Variants in DCAF6 observed in about 807,000 individuals in gnomAD.
The protein encoded by DCAF6 is DDB1- and CUL4-associated factor 6.
A neutral mutation model predicts 125.1 loss-of-function variants in DCAF6; 54 were observed. The ratio of observed to expected loss-of-function variants is 0.43; its 90% CI spans 0.35 to 0.54. The LOEUF is 0.54. Ranked by LOEUF, DCAF6 falls within the 20% of genes least tolerant of loss-of-function variation. The pLI is 0.01. For synonymous variants in DCAF6, 371 were observed against 390.4 expected, an observed-to-expected ratio of 0.95 and a Z score of 0.58; for missense variants, 934 against 1,161.7, an observed-to-expected ratio of 0.80 and a Z score of 2.85.
chr1:167,937,799 T>C (rs1347997878), intron 1 of DCAF6, among the ~76,000 whole-genome samples: 2 of 152,206 alleles, frequency 1.3e-5, no homozygotes, highest in Non-Finnish European at 2.9e-5. Flanking sequence ...AAGTTTGGTT[T>C]CTTAAAAATG....
chr1:167,950,113 C>G (rs1673695825), intron 1 of DCAF6, among the ~76,000 whole-genome samples: 1 of 152,184 alleles, frequency 6.6e-6, no homozygotes, highest in African/African-American at 2.4e-5. Flanking sequence ...GTTCTGCCAC[C>G]ATTTTCTCCA....
intron 12 of DCAF6, among the ~76,000 whole-genome samples, chr1:168,032,285 C>A (rs1041388340): frequency 7.2e-5 from 11 of 152,176 alleles, no homozygotes; most frequent in African/African-American, 2.7e-4. Flanking sequence ...AAATGTGTTG[C>A]CTCACAGTTA....
In DCAF6 at chr1:167,987,475, A is replaced by C. The variant is rs1214957683; in HGVS notation, c.439-20A>C. The C allele has an allele frequency of 8.7e-7, 1 of 1,152,756 alleles. No homozygotes were observed. Among genetic ancestry groups the C allele is most frequent in the South Asian group, 1.3e-5 (1 of 78,486 alleles). The allele number at this position is 1,152,756 out of a possible 1,614,324, so 71.4% of individuals were successfully genotyped here. Reference sequence around the variant, plus strand: ...TTTAAATGTTCGTATGATTATCTGCACTTTTCTTTTCATCTTCAGATTATG... The same window carrying C: ...TTTAAATGTTCGTATGATTATCTGCCCTTTTCTTTTCATCTTCAGATTATG... On this transcript the variant is annotated intron_variant, in intron 4 of 21. Coordinates refer to ENST00000367840, the MANE Select transcript of DCAF6 (RefSeq NM_001198956.2).
At chr1:167,920,486 A>G in the DCAF6 span, 1 of 1,550,504 alleles carries the variant, frequency 6.4e-7, no homozygotes, top group Non-Finnish European at 8.8e-7. Flanking sequence ...AAACTGATAT[A>G]AAAGAAAACA....
rs77064095 is a variant in DCAF6, at chr1:168,065,736, G to A, written c.2586G>A (p.Pro862=). 4.1e-3 allele frequency: 6,591 copies of A among 1,610,906 alleles called. 112 individuals carry two copies. The East Asian group carries it at 0.054, about 13-fold the overall frequency. The change falls in exon 19 of 22, where the codon CCG becomes CCA. Residue 862 remains proline (P), a synonymous_variant. Coordinates refer to ENST00000367840, the MANE Select transcript of DCAF6 (RefSeq NM_001198956.2). ...TGGTAAACTGCCTGCAGCCACATCC[G>A]TTTGACCCAAGTAAGATATCTTTTC... The part of the protein sequence containing the change: ...NHVVNCLQPH[P]FDPILASSGI...
chr1:168,067,675 A>G (rs964481709), intron 20 of DCAF6, among the ~76,000 whole-genome samples: 2 of 152,200 alleles, frequency 1.3e-5, no homozygotes, highest in Non-Finnish European at 2.9e-5. Flanking sequence ...GGGCACCCTG[A>G]TGAGTTGGGA....
At chr1:168,065,849 A>C in intron 19 of DCAF6, 103 bp downstream of exon 19, 1 of 1,126,650 alleles carries the variant, frequency 8.9e-7, no homozygotes, top group Non-Finnish European at 1.2e-6. Flanking sequence ...GAATAATCCA[A>C]ACTATCTGAC....
the DCAF6 span, chr1:167,913,856 AC>A: frequency 6.6e-6 from 1 of 152,174 alleles, no homozygotes; most frequent in African/African-American, 2.4e-5. Context: ...ACAAACTTGA[AC>A]CCTGACTTCT....
the DCAF6 span, among the ~76,000 whole-genome samples, chr1:167,897,616 TCGG>T: frequency 0.85 from 3,536 of 4,158 alleles, 1,457 homozygotes; most frequent in South Asian, 0.91. Flanking sequence ...TGTGACAACA[TCGG>T]CTGGCAACTC....
intron 3 of DCAF6, among the ~76,000 whole-genome samples, chr1:167,972,578 A>G (rs1408207170): frequency 6.6e-6 from 1 of 152,206 alleles, no homozygotes; most frequent in Non-Finnish European, 1.5e-5. Flanking sequence ...GAAATAATCC[A>G]GGTAAGAGGG....
intron 5 of DCAF6, among the ~76,000 whole-genome samples, chr1:167,990,168 A>T (rs770690890): frequency 1.3e-4 from 20 of 152,176 alleles, no homozygotes; most frequent in Non-Finnish European, 2.8e-4. Context: ...ATTATGAATA[A>T]GCCTAGGCAA....
At chr1:167,883,448 T>C in the DCAF6 span, 1 of 1,614,226 alleles carries the variant, frequency 6.2e-7, no homozygotes, top group Non-Finnish European at 8.5e-7. Flanking sequence ...TTGTCAAACA[T>C]GAAGACTTTA....
the DCAF6 span, among the ~76,000 whole-genome samples, chr1:167,869,742 C>T: frequency 2.6e-5 from 4 of 152,166 alleles, no homozygotes; most frequent in African/African-American, 7.2e-5. Flanking sequence ...CCCTCTCATG[C>T]AGACCCCCTT....
At position 167,996,034 on chromosome 1, in the gene DCAF6, A is replaced by G. The variant is rs72699727; in HGVS notation, c.903+2594A>G. On this transcript the variant is annotated intron_variant, in intron 7 of 21. Transcript: ENST00000367840. Reference sequence around the variant, plus strand: ...GTATAAGTAGAACAAAGTAGGGAATAATTAATCTTGAGTAAAGCCTGAGGA... The same window carrying G: ...GTATAAGTAGAACAAAGTAGGGAATGATTAATCTTGAGTAAAGCCTGAGGA... 9.7e-3 allele frequency among the ~76,000 whole-genome samples: 1,478 copies of G among 152,342 alleles called. 17 individuals are homozygous for G. Among genetic ancestry groups the G allele is most frequent in the Non-Finnish European group, 0.013 (889 of 68,028 alleles).
intron 12 of DCAF6, among the ~76,000 whole-genome samples, chr1:168,029,609 T>G (rs936689249): frequency 6.6e-6 from 1 of 152,212 alleles, no homozygotes. Flanking sequence ...TACTTAATCC[T>G]TACCACAACC....
chr1:167,947,374 T>C (rs759371584), intron 1 of DCAF6, among the ~76,000 whole-genome samples: 6 of 151,898 alleles, frequency 4.0e-5, no homozygotes, highest in Non-Finnish European at 8.8e-5. Flanking sequence ...TTTCATTTAG[T>C]TCTGCTCTGA....
chr1:168,027,703 T>G (rs1686523325), intron 12 of DCAF6, among the ~76,000 whole-genome samples: 2 of 152,128 alleles, frequency 1.3e-5, no homozygotes, highest in South Asian at 4.1e-4. Flanking sequence ...ATGTTACTAA[T>G]AAATTTTTTT....
At chr1:167,882,409 C>A in the DCAF6 span, among the ~76,000 whole-genome samples, 1 of 146,630 alleles carries the variant, frequency 6.8e-6, no homozygotes, top group East Asian at 2.0e-4. Flanking sequence ...CGCTTGAACC[C>A]GGGAGGCGGA....
At chr1:167,976,807 C>T (rs148096138) in intron 4 of DCAF6, among the ~76,000 whole-genome samples, 2,237 of 149,778 alleles carry the variant, frequency 0.015, 171 homozygotes, top group Admixed American at 0.12. Context: ...TTTACTAATA[C>T]CTTTGGTTTA....
Sources: gnomAD v4.1 joint callset for allele counts (sites outside exome capture counted in the v4.1 genomes callset) on GRCh38, gnomAD v4.1.1 for gene constraint, MANE v1.5 for transcripts, NCBI Gene and HGNC (gene_info 2026-07-23, HGNC 2026-07-21) for gene names.